The following TRIM24 variants were observed in gnomAD, a reference collection of about 807,000 sequenced individuals.
The protein encoded by TRIM24 is tripartite motif containing 24, also known as transcription intermediary factor 1-alpha.
TRIM24 carries 29 observed loss-of-function variants against 123.9 expected under a neutral mutation model. That is an observed-to-expected ratio of 0.23 (90% CI 0.17 to 0.32). The LOEUF (loss-of-function observed/expected upper bound fraction) is 0.32. Ranked by LOEUF, TRIM24 falls within the 10% of genes least tolerant of loss-of-function variation. TRIM24 has a pLI of 1.00. For missense variants in TRIM24, 932 were observed against 1,295.3 expected, an observed-to-expected ratio of 0.72 and a Z score of 4.31; for synonymous variants, 456 against 461.1, an observed-to-expected ratio of 0.99 and a Z score of 0.14.
At chr7:138,462,273 A>G (rs1045372483) in intron 1 of TRIM24, among the ~76,000 whole-genome samples, 2 of 150,960 alleles carry the variant, frequency 1.3e-5, no homozygotes, top group Non-Finnish European at 3.0e-5. Flanking sequence ...GCCTGTGTAG[A>G]TGTCAACTGG....
At chr7:138,536,529 C>T (rs891509385) in intron 6 of TRIM24, among the ~76,000 whole-genome samples, 2 of 152,356 alleles carry the variant, frequency 1.3e-5, no homozygotes, top group East Asian at 1.9e-4. Context: ...TGCAGAGCAG[C>T]GAATATTGCT....
chr7:138,493,111 A>C (rs537659451), intron 1 of TRIM24, among the ~76,000 whole-genome samples: 1 of 152,160 alleles, frequency 6.6e-6, no homozygotes, highest in East Asian at 1.9e-4. Context: ...CTTTACTGAC[A>C]TTCCCTGTTT....
At chr7:138,555,915 T>A (rs1338812844) in intron 9 of TRIM24, among the ~76,000 whole-genome samples, 1 of 152,200 alleles carries the variant, frequency 6.6e-6, no homozygotes, top group African/African-American at 2.4e-5. Flanking sequence ...CATGGCATGG[T>A]CGACATCTTA....
At position 138,532,059 on chromosome 7, in the gene TRIM24, GTTGT is replaced by G. The variant is rs559638097; in HGVS notation, c.996+2836_996+2839del. 6.6e-3 allele frequency among the ~76,000 whole-genome samples: 1,006 copies of G among 152,156 alleles called. 3 individuals carry two copies. Among genetic ancestry groups the G allele is most frequent in the Non-Finnish European group, 0.011 (729 of 68,016 alleles). On this transcript the variant is annotated intron_variant, in intron 6 of 18. Coordinates refer to ENST00000343526, the MANE Select transcript of TRIM24 (RefSeq NM_015905.3). ...TATCCTTTGCCCACTTTTTGATGGG[GTTGT>G]TTGTTTTTTTCTTGTAAATTTGTTT...
intron 1 of TRIM24, among the ~76,000 whole-genome samples, chr7:138,474,861 G>A (rs1395307488): frequency 1.3e-5 from 2 of 152,122 alleles, no homozygotes; most frequent in African/African-American, 4.8e-5. Flanking sequence ...GAGATCTTAT[G>A]TCAGGAAAAC....
chr7:138,486,784 T>G (rs548429877), intron 1 of TRIM24, among the ~76,000 whole-genome samples: 1 of 152,320 alleles, frequency 6.6e-6, no homozygotes, highest in African/African-American at 2.4e-5. Flanking sequence ...GCCTCCAGCT[T>G]TGTTCTTTTT....
At chr7:138,534,966 G>A (rs1409189542) in intron 6 of TRIM24, among the ~76,000 whole-genome samples, 1 of 152,170 alleles carries the variant, frequency 6.6e-6, no homozygotes, top group Non-Finnish European at 1.5e-5. Context: ...TTACCATTAT[G>A]TAATGGCCTT....
At chr7:138,573,433 CTT>C (rs1205370794) in intron 11 of TRIM24, 72 bp from the exon 12 acceptor site, 1 of 1,343,948 alleles carries the variant, frequency 7.4e-7, no homozygotes, top group African/African-American at 1.5e-5. Context: ...GTTATTGAAG[CTT>C]TCTTATAAAT....
chr7:138,553,343 T>C (rs922685374), intron 8 of TRIM24, among the ~76,000 whole-genome samples: 2 of 152,170 alleles, frequency 1.3e-5, no homozygotes, highest in African/African-American at 4.8e-5. Context: ...TTAGATAAGT[T>C]TTACAACCTC....
intron 1 of TRIM24, among the ~76,000 whole-genome samples, chr7:138,483,110 G>A (rs1460891626): frequency 6.6e-6 from 1 of 151,704 alleles, no homozygotes; most frequent in Admixed American, 6.6e-5. Flanking sequence ...GTAGCGGGGG[G>A]GGTCTCACTT....
At chr7:138,472,214 A>T (rs888609) in intron 1 of TRIM24, among the ~76,000 whole-genome samples, 3 of 151,878 alleles carry the variant, frequency 2.0e-5, no homozygotes, top group Admixed American at 6.6e-5. Context: ...AAGGTTTCTC[A>T]CTTTCTTTTT....
At chr7:138,484,679 A>G (rs565837344) in intron 1 of TRIM24, among the ~76,000 whole-genome samples, 1 of 152,138 alleles carries the variant, frequency 6.6e-6, no homozygotes, top group South Asian at 2.1e-4. Flanking sequence ...ATTTTTTTGT[A>G]GAGTTAGGCG....
At chr7:138,501,380 G>A (rs1204447363) in intron 1 of TRIM24, among the ~76,000 whole-genome samples, 1 of 151,924 alleles carries the variant, frequency 6.6e-6, no homozygotes, top group Non-Finnish European at 1.5e-5. Context: ...ACAGGCACAT[G>A]CCACTGCACC....
At chr7:138,481,219 C>T (rs1447434656) in intron 1 of TRIM24, among the ~76,000 whole-genome samples, 3 of 151,584 alleles carry the variant, frequency 2.0e-5, no homozygotes, top group East Asian at 1.9e-4. Context: ...CTCAAACTCC[C>T]GAGCTCAGTG....
intron 1 of TRIM24, among the ~76,000 whole-genome samples, chr7:138,467,088 G>T (rs994308826): frequency 2.0e-5 from 3 of 151,874 alleles, no homozygotes; most frequent in African/African-American, 7.3e-5. Flanking sequence ...ATCTGTGTGT[G>T]GTCTGTTCTT....
intron 9 of TRIM24, among the ~76,000 whole-genome samples, chr7:138,560,586 C>T (rs1300739236): frequency 2.0e-5 from 3 of 152,152 alleles, no homozygotes; most frequent in East Asian, 1.9e-4. Context: ...TGTTTGCAAA[C>T]GGCTCGGGTG....
chr7:138,581,861 G>A, intron 17 of TRIM24, 90 bp downstream of exon 17: 1 of 1,028,820 alleles, frequency 9.7e-7, no homozygotes, highest in East Asian at 2.4e-5. Context: ...CCATTTTTCA[G>A]TACTTTTTAA....
intron 2 of TRIM24, among the ~76,000 whole-genome samples, chr7:138,505,373 A>G (rs767947412): frequency 1.3e-5 from 2 of 152,042 alleles, no homozygotes; most frequent in African/African-American, 2.4e-5. Flanking sequence ...CTTTTTTTCT[A>G]TTTTAATGAT....
At chr7:138,467,521 T>G (rs1184519751) in intron 1 of TRIM24, among the ~76,000 whole-genome samples, 3 of 152,174 alleles carry the variant, frequency 2.0e-5, no homozygotes, top group African/African-American at 7.2e-5. Flanking sequence ...TTTGTATTTT[T>G]TAGTAGAGAC....
Sources: allele counts gnomAD v4.1 joint callset (sites outside exome capture counted in the v4.1 genomes callset), GRCh38; gene constraint gnomAD v4.1.1; transcripts MANE v1.5; gene names NCBI Gene and HGNC (gene_info 2026-07-23, HGNC 2026-07-21).